The following ANKS1A variants were observed in gnomAD, a reference collection of about 807,000 sequenced individuals.
The protein encoded by ANKS1A is ankyrin repeat and sterile alpha motif domain containing 1A.
In ANKS1A, 55 loss-of-function variants were observed where a neutral mutation model predicts 120.3. The ratio of observed to expected loss-of-function variants is 0.46; its 90% CI spans 0.37 to 0.57. The LOEUF (loss-of-function observed/expected upper bound fraction) is 0.57. Among genes scored for constraint, ANKS1A ranks in the 20% least tolerant of loss-of-function variants. The probability of loss-of-function intolerance (pLI) is 0.00; values close to 1 mark genes in which losing one functional copy is unlikely to be tolerated. For synonymous variants in ANKS1A, 590 were observed against 604.7 expected (o/e 0.98, Z 0.36); for missense variants, 1,123 against 1,480.3 (o/e 0.76, Z 3.96).
intron 9 of ANKS1A, among the ~76,000 whole-genome samples, chr6:34,990,032 A>T (rs892485097): frequency 5.9e-5 from 9 of 152,240 alleles, no homozygotes; most frequent in African/African-American, 9.6e-5. Flanking sequence ...TAATTTTATT[A>T]GTCATTTTGT....
intron 3 of ANKS1A, among the ~76,000 whole-genome samples, chr6:34,978,194 G>T (rs1298915437): frequency 2.0e-5 from 3 of 152,098 alleles, no homozygotes; most frequent in Non-Finnish European, 4.4e-5. Context: ...CTGACCTCAT[G>T]ATCTGCCCAC....
intron 3 of ANKS1A, among the ~76,000 whole-genome samples, chr6:34,972,943 T>C (rs962559969): frequency 2.0e-5 from 3 of 152,258 alleles, no homozygotes; most frequent in Admixed American, 6.5e-5. Flanking sequence ...ATTTACAATT[T>C]TGATTCTTAA....
chr6:34,924,124 TGTGTA>T, intron 1 of ANKS1A, among the ~76,000 whole-genome samples: 1 of 151,726 alleles, frequency 6.6e-6, no homozygotes, highest in Non-Finnish European at 1.5e-5. Flanking sequence ...TGTGTGTGTG[TGTGTA>T]TTTTTCTTTT....
intron 1 of ANKS1A, among the ~76,000 whole-genome samples, chr6:34,961,033 A>G (rs1188344529): frequency 6.6e-6 from 1 of 152,260 alleles, no homozygotes; most frequent in Non-Finnish European, 1.5e-5. Context: ...TCCAGGACCC[A>G]TTAAGATCAG....
In ANKS1A at chr6:35,088,926, G is replaced by GCT; in HGVS notation, c.*319_*320dup. ...TTATAAAATGAACTTTTAACACTTG[G>GCT]CTCAAACCTCTAGGTCATACTGCCA... is the stretch of plus-strand genomic sequence containing the variant. On this transcript the variant is annotated 3_prime_UTR_variant, in exon 24 of 24. Transcript: ENST00000360359. 7.5e-7 allele frequency: 1 copy of GCT among 1,333,590 alleles called. No individual in the cohort carries two copies. The highest frequency in any genetic ancestry group is 1.6e-5 in the South Asian group (1 of 62,470). 82.6% of individuals were successfully genotyped at this position (1,333,590 alleles called of 1,614,324 possible).
intron 1 of ANKS1A, among the ~76,000 whole-genome samples, chr6:34,912,092 T>C (rs534529334): frequency 6.6e-6 from 1 of 152,340 alleles, no homozygotes; most frequent in Admixed American, 6.5e-5. Context: ...GTGACCTCTG[T>C]TCAGTGTCAG....
chr6:34,929,359 A>G (rs1158052425), intron 1 of ANKS1A, among the ~76,000 whole-genome samples: 2 of 152,218 alleles, frequency 1.3e-5, no homozygotes, highest in Non-Finnish European at 2.9e-5. Context: ...GAATAAATGT[A>G]TTCCACCCAT....
At chr6:35,083,327 A>G (rs905670033) in intron 19 of ANKS1A, 90 bp from the exon 20 acceptor site, 1 of 1,594,294 alleles carries the variant, frequency 6.3e-7, no homozygotes, top group African/African-American at 1.3e-5. Context: ...TGCACTATGT[A>G]AGGATGGGAA....
rs1217422290 is a variant in ANKS1A at position 35,084,040 on chromosome 6, G to A, written c.2995-81G>A. 6.3e-7 allele frequency: 1 copy of A among 1,576,216 alleles called. No homozygotes were observed. The highest frequency in any genetic ancestry group is 8.7e-7 in the Non-Finnish European group (1 of 1,155,594). Reference sequence around the variant, plus strand: ...GCTCTAGGCTGGGACAGAGAACAGTGACAATGGTAACAGGCTGGGGCAGGG... The same window carrying A: ...GCTCTAGGCTGGGACAGAGAACAGTAACAATGGTAACAGGCTGGGGCAGGG... On this transcript the variant is annotated intron_variant, in intron 20 of 23. Transcript: ENST00000360359. The surrounding 1 kb of genome is among the most constrained non-coding windows in gnomAD (Gnocchi z 4.8).
chr6:35,079,414 C>A (rs1777540563), intron 14 of ANKS1A, 102 bp from the exon 15 acceptor site: 6 of 1,456,462 alleles, frequency 4.1e-6, no homozygotes, highest in Non-Finnish European at 5.6e-6. Flanking sequence ...ACACAGAGGG[C>A]CCCCTGGCCA....
At chr6:35,032,306 A>T (rs1447845167) in intron 11 of ANKS1A, among the ~76,000 whole-genome samples, 2 of 152,118 alleles carry the variant, frequency 1.3e-5, no homozygotes, top group Non-Finnish European at 2.9e-5. Flanking sequence ...TCAGGAGAGG[A>T]TGAGGTCAAG....
intron 12 of ANKS1A, among the ~76,000 whole-genome samples, chr6:35,055,466 A>G (rs577224458): frequency 6.6e-6 from 1 of 151,846 alleles, no homozygotes; most frequent in African/African-American, 2.4e-5. Context: ...AGTAGCTGGG[A>G]TTACAGGCAT....
rs752692453 is a variant in ANKS1A, at chr6:35,081,108, A to G, written c.2659A>G (p.Ser887Gly). ...GGACACAGGCAGGAGGCGCCATGAC[A>G]GTCTCCATGACCCTGCGGCACCCTC... ...PGDTGRRRHD[S>G]LHDPAAPSRA... Residue 887 changes from serine (S) to glycine (G), a missense_variant, in exon 17 of 24, where the codon AGT (serine) becomes GGT (glycine). Ser to Gly is a moderately conservative substitution (Grantham distance 56, BLOSUM62 0). Transcript: ENST00000360359. The G allele has an allele frequency of 4.3e-6, 7 of 1,613,528 alleles. No individual in the cohort carries two copies. In the Admixed American group the frequency reaches 5.0e-5, roughly 12 times the overall value.
chr6:35,040,018 G>T (rs1179660130), intron 11 of ANKS1A, among the ~76,000 whole-genome samples: 2 of 152,120 alleles, frequency 1.3e-5, no homozygotes, highest in East Asian at 3.9e-4. Context: ...CTACCCTCAT[G>T]AATTCCTCTA....
At position 34,952,051 on chromosome 6, in the gene ANKS1A, A is replaced by G. The variant is rs1770116123; in HGVS notation, c.198-15188A>G. Among the ~76,000 whole-genome samples the G allele has an allele frequency of 1.4e-4, 21 of 152,266 alleles. No homozygotes were observed. The South Asian group carries it at 4.4e-3, about 32-fold the overall frequency. The stretch of plus-strand genomic sequence containing the variant: ...GAGAAAAACAGCAAGGAAAAAAGCC[A>G]TTTCTCAGGAAGCTATATGGCATGG... On this transcript the variant is annotated intron_variant, in intron 1 of 23. Coordinates refer to ENST00000360359, the MANE Select transcript of ANKS1A (RefSeq NM_015245.3).
intron 1 of ANKS1A, among the ~76,000 whole-genome samples, chr6:34,946,445 G>A (rs1769801189): frequency 6.6e-6 from 1 of 151,816 alleles, no homozygotes; most frequent in Non-Finnish European, 1.5e-5. Context: ...AATATTAGTC[G>A]GGCATGGTGG....
intron 3 of ANKS1A, among the ~76,000 whole-genome samples, chr6:34,978,344 C>T (rs374479203): frequency 6.6e-6 from 1 of 152,148 alleles, no homozygotes; most frequent in Admixed American, 6.5e-5. Context: ...TCCATTTTCT[C>T]AGTCCAGATT....
intron 11 of ANKS1A, among the ~76,000 whole-genome samples, chr6:35,053,203 T>G (rs866627889): frequency 6.6e-6 from 1 of 152,154 alleles, no homozygotes; most frequent in South Asian, 2.1e-4. Context: ...AAAAGAGCAG[T>G]GAATGAGCTC....
At position 35,089,062 on chromosome 6, in the gene ANKS1A, T is replaced by G; in HGVS notation, c.*453T>G. 1 of 1,058,792 alleles carries G rather than the reference T, an allele frequency of 9.4e-7. No homozygotes were observed. The highest frequency in any genetic ancestry group is 1.1e-6 in the Non-Finnish European group (1 of 873,330). 65.6% of individuals were successfully genotyped at this position (1,058,792 alleles called of 1,614,324 possible). ...CGGAACTTGGGTGCAGCTCAGTGGG[T>G]CGGAAGAGAAGGCGGTGGCCTGTGG... On this transcript the variant is annotated 3_prime_UTR_variant, in exon 24 of 24. Transcript: ENST00000360359.
Sources: allele counts gnomAD v4.1 joint callset (sites outside exome capture counted in the v4.1 genomes callset), GRCh38; gene constraint gnomAD v4.1.1; non-coding constraint Gnocchi (gnomAD v3.1); transcripts MANE v1.5; gene names NCBI Gene and HGNC (gene_info 2026-07-23, HGNC 2026-07-21).